NFAT5: variants seen among roughly 807,000 people sequenced by gnomAD.
The protein encoded by NFAT5 is nuclear factor of activated T-cells 5.
In NFAT5, 31 loss-of-function variants were observed where a neutral mutation model predicts 166.5. That is an observed-to-expected ratio of 0.19 (90% confidence interval 0.14 to 0.25). The LOEUF (loss-of-function observed/expected upper bound fraction) is 0.25, where lower values mean the gene tolerates loss of function less well. NFAT5 is among the 10% of genes least tolerant of loss of function. NFAT5 has a pLI of 1.00. For synonymous variants in NFAT5, 612 were observed against 639.7 expected (o/e 0.96, Z 0.65); for missense variants, 1,449 against 1,821.8 (o/e 0.80, Z 3.72).
intron 2 of NFAT5, among the ~76,000 whole-genome samples, chr16:69,613,424 C>T (rs2033795146): frequency 6.6e-6 from 1 of 152,138 alleles, no homozygotes; most frequent in Non-Finnish European, 1.5e-5. Context: ...AGGGATAAAA[C>T]CCTTACTGCT....
rs531870016 is a variant in NFAT5 at position 69,687,240 on chromosome 16, A to G, written c.1774+2270A>G. Among the ~76,000 whole-genome samples the G allele has an allele frequency of 6.6e-5, 10 of 152,224 alleles. No individual in the cohort carries two copies. In the South Asian group the frequency reaches 2.1e-3, roughly 32 times the overall value. On this transcript the variant is annotated intron_variant, in intron 11 of 14. Transcript: ENST00000349945. ...TGGATCACCTGAGGTCAGGAGTTTG[A>G]GACCTACCTGGCCAACATGGCAAAA...
At chr16:69,653,575 A>ATTTTT in intron 5 of NFAT5, 147 bp downstream of exon 5, 1 of 354,682 alleles carries the variant, frequency 2.8e-6, no homozygotes, top group Non-Finnish European at 4.8e-6. Flanking sequence ...TTTAGAAAGA[A>ATTTTT]TTTTTTTTTT....
At chr16:69,687,258 T>A (rs1473878156) in intron 11 of NFAT5, among the ~76,000 whole-genome samples, 4 of 151,998 alleles carry the variant, frequency 2.6e-5, no homozygotes, top group Admixed American at 2.6e-4. Flanking sequence ...CTGGCCAACA[T>A]GGCAAAACCC....
chr16:69,609,818 T>C (rs1288586825), intron 2 of NFAT5, among the ~76,000 whole-genome samples: 1 of 92,846 alleles, frequency 1.1e-5, no homozygotes, highest in Admixed American at 1.2e-4. Flanking sequence ...CTGTCTCTAC[T>C]GAAAAAAAAA....
Position 69,647,346 on chromosome 16 carries a change from G to A in NFAT5, c.572G>A (p.Ser191Asn). The change falls in exon 4 of 15, where the codon AGT becomes AAT. Residue 191 changes from serine to asparagine, a missense_variant. This residue lies in a region of NFAT5 where 115 missense variants were observed against 177.1 expected (regional missense o/e 0.65). Coordinates refer to ENST00000349945, the MANE Select transcript of NFAT5 (RefSeq NM_138713.4). This position sits in a 1 kb window ranked among gnomAD's most constrained non-coding sequence, Gnocchi z 4.8. Reference sequence around the variant, plus strand: ...GGATTGGAATCTGAGCAGAGCTGCAGTATGTGGATGGAGGATTCCCCCTCC... The same window carrying A: ...GGATTGGAATCTGAGCAGAGCTGCAATATGTGGATGGAGGATTCCCCCTCC... ...GCGLESEQSC[S>N]MWMEDSPSNF... 1.2e-6 allele frequency: 2 copies of A among 1,614,218 alleles called. No individual in the cohort carries two copies. Among genetic ancestry groups the A allele is most frequent in the Non-Finnish European group, 1.7e-6 (2 of 1,180,042 alleles).
chr16:69,619,847 G>C (rs1041104814), intron 2 of NFAT5, among the ~76,000 whole-genome samples: 1 of 152,136 alleles, frequency 6.6e-6, no homozygotes, highest in Admixed American at 6.5e-5. Context: ...AAATTAAGTT[G>C]CCCTATTAAA....
At chr16:69,568,383 T>TATATATATATACAC (rs2016234783) in intron 1 of NFAT5, 112 bp from the exon 2 acceptor site, 2 of 303,944 alleles carry the variant, frequency 6.6e-6, no homozygotes, top group Non-Finnish European at 1.1e-5. Context: ...TGTGTATATA[T>TATATATATATACAC]ATATATATAT....
intron 2 of NFAT5, among the ~76,000 whole-genome samples, chr16:69,605,387 C>T (rs1177060361): frequency 6.6e-6 from 1 of 152,154 alleles, no homozygotes; most frequent in East Asian, 1.9e-4. Flanking sequence ...TTGCAGTGAG[C>T]CAAGATTGTA....
At chr16:69,690,889 T>C in intron 11 of NFAT5, 51 bp from the exon 12 acceptor site, 1 of 1,383,766 alleles carries the variant, frequency 7.2e-7, no homozygotes. Flanking sequence ...ATGAAATAGT[T>C]GGTAAATTTT....
chr16:69,651,219 G>T (rs2035652325), intron 4 of NFAT5, among the ~76,000 whole-genome samples: 1 of 152,128 alleles, frequency 6.6e-6, no homozygotes, highest in African/African-American at 2.4e-5. Context: ...TTCAGCACCT[G>T]TTATGTTTCA....
intron 10 of NFAT5, among the ~76,000 whole-genome samples, chr16:69,679,743 G>C (rs1350590386): frequency 6.6e-6 from 1 of 152,144 alleles, no homozygotes; most frequent in Non-Finnish European, 1.5e-5. Flanking sequence ...AAGAAGATTG[G>C]CTTATTCTCA....
At chr16:69,576,464 A>G (rs1450230278) in intron 2 of NFAT5, among the ~76,000 whole-genome samples, 1 of 152,140 alleles carries the variant, frequency 6.6e-6, no homozygotes, top group Non-Finnish European at 1.5e-5. Flanking sequence ...AAAAATTCAT[A>G]AAGAATATGA....
At chr16:69,663,486 G>A (rs2036234607) in intron 7 of NFAT5, among the ~76,000 whole-genome samples, 1 of 149,522 alleles carries the variant, frequency 6.7e-6, no homozygotes, top group Admixed American at 6.8e-5. Context: ...TGTAGTCCCA[G>A]CTACTTGGGA....
chr16:69,596,589 GT>G (rs1567528030), intron 2 of NFAT5, among the ~76,000 whole-genome samples: 5 of 151,614 alleles, frequency 3.3e-5, no homozygotes, highest in Non-Finnish European at 7.4e-5. Flanking sequence ...GTGGTGGCAC[GT>G]GCCTGTAATT....
At chr16:69,594,895 A>G (rs2032700388) in intron 2 of NFAT5, among the ~76,000 whole-genome samples, 1 of 152,182 alleles carries the variant, frequency 6.6e-6, no homozygotes, top group Non-Finnish European at 1.5e-5. Context: ...AAGCTGAAGA[A>G]CTTGGAGTCT....
chr16:69,566,352 G>T lies in NFAT5; in HGVS notation c.51G>T (p.Ser17=), dbSNP rs377326271. The change falls in exon 1 of 15, where the codon TCG becomes TCT. Residue 17 remains serine (S), a synonymous_variant. Transcript: ENST00000349945. The surrounding 1 kb of genome is among the most constrained non-coding windows in gnomAD (Gnocchi z 5.7). ...SLLSADLDLE[S]PKSLYSRDSL... ...TCAGCGCGGACCTAGACCTGGAATCGCCCAAGTCCCTCTACTCGCGAGGTG... is the reference window on the plus strand; with the variant it reads ...TCAGCGCGGACCTAGACCTGGAATCTCCCAAGTCCCTCTACTCGCGAGGTG... The T allele has an allele frequency of 1.4e-5, 22 of 1,603,544 alleles. No homozygotes were observed. The highest frequency in any genetic ancestry group is 1.7e-5 in the Admixed American group (1 of 59,322).
At chr16:69,635,157 C>T (rs2034906731) in intron 3 of NFAT5, among the ~76,000 whole-genome samples, 2 of 151,204 alleles carry the variant, frequency 1.3e-5, no homozygotes, top group South Asian at 4.2e-4. Context: ...ATTACAGGCA[C>T]CTGTCACCAT....
intron 2 of NFAT5, among the ~76,000 whole-genome samples, chr16:69,587,400 T>G (rs1026262344): frequency 6.6e-6 from 1 of 151,456 alleles, no homozygotes; most frequent in African/African-American, 2.4e-5. Context: ...TTCTCTTCTT[T>G]TTTTTTGAGA....
chr16:69,655,047 C>G (rs2035822588), intron 5 of NFAT5, among the ~76,000 whole-genome samples: 1 of 151,958 alleles, frequency 6.6e-6, no homozygotes, highest in African/African-American at 2.4e-5. Flanking sequence ...CCATAGATCC[C>G]CGTTTGAACT....
Sources: allele counts gnomAD v4.1 joint callset (sites outside exome capture counted in the v4.1 genomes callset), GRCh38; gene constraint gnomAD v4.1.1; regional missense constraint gnomAD v4.1.1; non-coding constraint Gnocchi (gnomAD v3.1); transcripts MANE v1.5; gene names NCBI Gene and HGNC (gene_info 2026-07-23, HGNC 2026-07-21).